ZBTB20: variants seen among roughly 807,000 people sequenced by gnomAD.
ZBTB20 encodes zinc finger and BTB domain-containing protein 20.
ZBTB20 carries 9 observed loss-of-function variants against 56.9 expected under a neutral mutation model. The observed-to-expected ratio is 0.16, with a 90% CI of 0.10 to 0.28. ZBTB20 has a LOEUF of 0.28. ZBTB20 is among the 10% of genes least tolerant of loss of function. ZBTB20 has a pLI of 1.00. For synonymous variants in ZBTB20, 417 were observed against 420.7 expected, an observed-to-expected ratio of 0.99 and a Z score of 0.11; for missense variants, 655 against 1,003.0, an observed-to-expected ratio of 0.65 and a Z score of 4.69.
At chr3:114,879,852 C>T (rs2076331966) in intron 4 of ZBTB20, among the ~76,000 whole-genome samples, 1 of 152,156 alleles carries the variant, frequency 6.6e-6, no homozygotes. Flanking sequence ...AGATCCACCT[C>T]CCCAATGCAT....
chr3:115,106,726 T>C (rs1258530967), intron 1 of ZBTB20, among the ~76,000 whole-genome samples: 2 of 152,124 alleles, frequency 1.3e-5, no homozygotes, highest in Non-Finnish European at 1.5e-5. Flanking sequence ...TGGAAGTACA[T>C]TTATTATGGC....
At chr3:114,843,820 G>A (rs576182562) in intron 4 of ZBTB20, among the ~76,000 whole-genome samples, 1 of 150,498 alleles carries the variant, frequency 6.6e-6, no homozygotes, top group South Asian at 2.1e-4. Flanking sequence ...GGGACTACAG[G>A]TGCCTGCCAT....
chr3:115,129,713 G>T (rs1050777446), intron 1 of ZBTB20, among the ~76,000 whole-genome samples: 2 of 152,156 alleles, frequency 1.3e-5, no homozygotes, highest in Non-Finnish European at 2.9e-5. Flanking sequence ...ACGTCAAGAT[G>T]TGACAAAGGC....
chr3:114,947,977 T>C lies in ZBTB20; in HGVS notation c.-456+26389A>G, dbSNP rs537704196. ...TCATTTTATGAGAATAATATAACTA[T>C]GCAAAGAAAACCTGACAAGAACATT... On this transcript the variant is annotated intron_variant, in intron 3 of 11. Coordinates refer to ENST00000675478, the MANE Select transcript of ZBTB20 (RefSeq NM_001348800.3). 2.1e-5 allele frequency among the ~76,000 whole-genome samples: 3 copies of C among 145,372 alleles called. 1 individual carries two copies. Among genetic ancestry groups the C allele is most frequent in the Admixed American group, 6.6e-5 (1 of 15,086 alleles).
chr3:114,946,657 G>A (rs776351495), intron 3 of ZBTB20, among the ~76,000 whole-genome samples: 4 of 145,162 alleles, frequency 2.8e-5, no homozygotes, highest in Non-Finnish European at 4.4e-5. Context: ...TACCAAAATG[G>A]ACACAAGAAG....
chr3:114,534,120 T>A (rs2048177982), intron 6 of ZBTB20, among the ~76,000 whole-genome samples: 1 of 152,208 alleles, frequency 6.6e-6, no homozygotes, highest in African/African-American at 2.4e-5. Context: ...AATGACAGGA[T>A]CAGATTCACA....
chr3:114,431,507 T>C (rs2090119867), intron 7 of ZBTB20, among the ~76,000 whole-genome samples: 3 of 152,374 alleles, frequency 2.0e-5, no homozygotes, highest in South Asian at 2.1e-4. Flanking sequence ...TGATTCATTA[T>C]GTTAAAGTTA....
intron 5 of ZBTB20, among the ~76,000 whole-genome samples, chr3:114,746,382 TG>T (rs1217421757): frequency 1.3e-5 from 2 of 152,144 alleles, no homozygotes; most frequent in African/African-American, 4.8e-5. Context: ...TTTTTGTTTT[TG>T]TTTTTTTTTA....
rs1294304216 is a variant in ZBTB20, at chr3:114,329,440, C to T, written c.*9565G>A. The T allele has an allele frequency of 3.9e-5, 6 of 152,030 alleles. No homozygotes were observed. The highest frequency in any genetic ancestry group is 5.9e-5 in the Non-Finnish European group (4 of 67,982). 9.4% of individuals were successfully genotyped at this position (152,030 alleles called of 1,614,324 possible). On this transcript the variant is annotated 3_prime_UTR_variant, in exon 12 of 12. Coordinates refer to ENST00000675478, the MANE Select transcript of ZBTB20 (RefSeq NM_001348800.3). ...GAATAGCTGAGGGAAGCTGAAGACT[C>T]TTATCTGAAAATATGATCTGAAAAT...
chr3:114,388,010 TTTGA>T (rs2085370553), intron 8 of ZBTB20: 1 of 152,198 alleles, frequency 6.6e-6, no homozygotes, highest in Admixed American at 6.5e-5. Context: ...TCCCTTTAGG[TTTGA>T]TTTATACCAG....
intron 6 of ZBTB20, among the ~76,000 whole-genome samples, chr3:114,663,389 C>T (rs1431331725): frequency 6.7e-5 from 10 of 148,888 alleles, no homozygotes; most frequent in Non-Finnish European, 1.0e-4. Flanking sequence ...CTGAAGGAAG[C>T]GCTAAACATG....
intron 4 of ZBTB20, among the ~76,000 whole-genome samples, chr3:114,894,398 A>C (rs1404837051): frequency 6.6e-6 from 1 of 152,138 alleles, no homozygotes; most frequent in Non-Finnish European, 1.5e-5. Context: ...CATGAAAGTC[A>C]CTCAATAAAT....
At chr3:114,689,047 G>A (rs1022199159) in intron 6 of ZBTB20, among the ~76,000 whole-genome samples, 1 of 152,122 alleles carries the variant, frequency 6.6e-6, no homozygotes, top group Non-Finnish European at 1.5e-5. Context: ...AATAAGTGAA[G>A]ATTTCTTTCG....
At chr3:114,380,690 G>A in intron 9 of ZBTB20, 87 bp downstream of exon 9, 7 of 1,439,684 alleles carry the variant, frequency 4.9e-6, no homozygotes, top group East Asian at 2.5e-5. Context: ...CTTGAGCTAC[G>A]TATGGCTGAC....
At chr3:114,982,900 C>A (rs963620040) in intron 2 of ZBTB20, among the ~76,000 whole-genome samples, 23 of 151,796 alleles carry the variant, frequency 1.5e-4, no homozygotes, top group Admixed American at 1.4e-3. Flanking sequence ...GGAATGAGAA[C>A]CTGGTTTAAT....
At chr3:114,789,882 G>T (rs892333004) in intron 5 of ZBTB20, among the ~76,000 whole-genome samples, 1 of 152,098 alleles carries the variant, frequency 6.6e-6, no homozygotes, top group African/African-American at 2.4e-5. Context: ...TCTCTTGATT[G>T]TGTATATTTT....
At chr3:115,125,007 TG>T (rs2084285181) in intron 1 of ZBTB20, among the ~76,000 whole-genome samples, 1 of 151,650 alleles carries the variant, frequency 6.6e-6, no homozygotes, top group South Asian at 2.1e-4. Context: ...AACCTGCACA[TG>T]TACCCCTGAA....
chr3:114,829,610 A>G (rs966575776), intron 4 of ZBTB20, among the ~76,000 whole-genome samples: 2 of 151,916 alleles, frequency 1.3e-5, no homozygotes, highest in African/African-American at 4.8e-5. Flanking sequence ...AGAATGAAAC[A>G]AAGTAATTTC....
At chr3:115,041,895 G>A (rs1027628914) in intron 2 of ZBTB20, among the ~76,000 whole-genome samples, 2 of 152,160 alleles carry the variant, frequency 1.3e-5, no homozygotes, top group African/African-American at 4.8e-5. Flanking sequence ...TTTCCTGAGG[G>A]AAAGCGGCTA....
Sources: gnomAD v4.1 joint callset for allele counts (sites outside exome capture counted in the v4.1 genomes callset) on GRCh38, gnomAD v4.1.1 for gene constraint, MANE v1.5 for transcripts, NCBI Gene and HGNC (gene_info 2026-07-23, HGNC 2026-07-21) for gene names.